The following TTLL1 variants were observed in gnomAD, a reference collection of about 807,000 sequenced individuals.
TTLL1 encodes polyglutamylase complex subunit TTLL1.
TTLL1 carries 33 observed loss-of-function variants against 47.8 expected under a neutral mutation model. The ratio of observed to expected loss-of-function variants is 0.69; its 90% CI spans 0.52 to 0.92. The LOEUF (loss-of-function observed/expected upper bound fraction) is 0.92. TTLL1 is among the 40% of genes least tolerant of loss of function. The pLI, the probability that TTLL1 is intolerant of heterozygous loss-of-function variation, is 0.00. For synonymous variants in TTLL1, 225 were observed against 214.1 expected (o/e 1.05, Z -0.45); for missense variants, 488 against 547.5 (o/e 0.89, Z 1.08).
chr22:43,056,462 CTTTTTTTTT>C (rs1052016247), intron 8 of TTLL1, among the ~76,000 whole-genome samples: 1 of 103,706 alleles, frequency 9.6e-6, no homozygotes, highest in Non-Finnish European at 2.0e-5. Flanking sequence ...TTCTTCTTGT[CTTTTTTTTT>C]TTTTTTTTTT....
At chr22:43,071,365 T>A (rs1233759149) in intron 3 of TTLL1, among the ~76,000 whole-genome samples, 2 of 152,206 alleles carry the variant, frequency 1.3e-5, no homozygotes, top group African/African-American at 4.8e-5. Flanking sequence ...CCGGGCGCAG[T>A]GGCTCACGTC....
rs367981899 is a variant in TTLL1, at chr22:43,076,473, C to T, written c.-4-883G>A. Among the ~76,000 whole-genome samples, 15 of 146,834 alleles carry T rather than the reference C, an allele frequency of 1.0e-4. No homozygotes were observed. In the South Asian group the frequency reaches 2.4e-3, roughly 24 times the overall value. ...TCCATCGCAAAAAATAAAAATAGGC[C>T]GGGCGCGGTGGCTCACGCCTGTAAT... On this transcript the variant is annotated intron_variant, in intron 2 of 10. Transcript: ENST00000266254.
chr22:43,088,597 C>A (rs936148242), intron 1 of TTLL1, among the ~76,000 whole-genome samples: 1 of 151,756 alleles, frequency 6.6e-6, no homozygotes. Flanking sequence ...CCCGCCTCGG[C>A]CTCCCAAAGT....
At chr22:43,085,837 C>T (rs1358729188) in intron 1 of TTLL1, among the ~76,000 whole-genome samples, 1 of 152,214 alleles carries the variant, frequency 6.6e-6, no homozygotes, top group Non-Finnish European at 1.5e-5. Context: ...TGTTATTTCA[C>T]ATGTGCCTCC....
At chr22:43,050,020 C>A (rs1176934389) in intron 9 of TTLL1, among the ~76,000 whole-genome samples, 1 of 152,114 alleles carries the variant, frequency 6.6e-6, no homozygotes, top group Non-Finnish European at 1.5e-5. Flanking sequence ...TTGCTTGAAC[C>A]CGGGAGGCGG....
At chr22:43,076,945 C>CA (rs1275774077) in intron 2 of TTLL1, among the ~76,000 whole-genome samples, 2 of 151,360 alleles carry the variant, frequency 1.3e-5, no homozygotes, top group Admixed American at 6.6e-5. Context: ...ACTAAAAATA[C>CA]AAAAAATTAG....
intron 2 of TTLL1, among the ~76,000 whole-genome samples, chr22:43,077,055 C>T (rs34180097): frequency 3.3e-5 from 5 of 151,598 alleles, no homozygotes; most frequent in South Asian, 2.1e-4. Flanking sequence ...GAGCGGAGAT[C>T]GCACCACTGC....
intron 1 of TTLL1, among the ~76,000 whole-genome samples, chr22:43,085,463 T>A (rs1240212494): frequency 6.6e-6 from 1 of 152,214 alleles, no homozygotes; most frequent in African/African-American, 2.4e-5. Context: ...AAGGTGGAGA[T>A]AAACGAATCA....
At chr22:43,051,136 A>C (rs1926588091) in intron 9 of TTLL1, among the ~76,000 whole-genome samples, 1 of 152,190 alleles carries the variant, frequency 6.6e-6, no homozygotes, top group Non-Finnish European at 1.5e-5. Flanking sequence ...ATAGAGCCGG[A>C]GTTCTTTTGT....
chr22:43,063,337 G>A (rs560275097), intron 7 of TTLL1, among the ~76,000 whole-genome samples: 9 of 152,184 alleles, frequency 5.9e-5, no homozygotes, highest in African/African-American at 2.2e-4. Flanking sequence ...AGGCCAGCCC[G>A]CCTGATGCCT....
intron 8 of TTLL1, 133 bp from the exon 9 acceptor site, chr22:43,052,020 C>T (rs1486793053): frequency 4.0e-5 from 30 of 755,970 alleles, no homozygotes; most frequent in South Asian, 1.1e-4. Context: ...CCACCACAAA[C>T]GCTTCCTTCC....
chr22:43,051,287 G>A (rs141362894), intron 9 of TTLL1, among the ~76,000 whole-genome samples: 1 of 152,356 alleles, frequency 6.6e-6, no homozygotes, highest in African/African-American at 2.4e-5. Flanking sequence ...TCAGGAGGCA[G>A]TGCTAAACAG....
At chr22:43,079,756 C>G (rs769976990) in intron 2 of TTLL1, 146 bp downstream of exon 2, 2 of 152,274 alleles carry the variant, frequency 1.3e-5, no homozygotes, top group African/African-American at 4.8e-5. Flanking sequence ...CCGAGGCAGA[C>G]GGGCCAAACA....
chr22:43,079,127 A>G (rs1172728905), intron 2 of TTLL1, among the ~76,000 whole-genome samples: 3 of 59,848 alleles, frequency 5.0e-5, no homozygotes, highest in East Asian at 5.4e-4. Flanking sequence ...AGACACGGGG[A>G]CCATGGGAGC....
At chr22:43,041,422 T>C (rs988937403) in intron 10 of TTLL1, 1 of 152,144 alleles carries the variant, frequency 6.6e-6, no homozygotes, top group Non-Finnish European at 1.5e-5. Flanking sequence ...GCAGGTTGAA[T>C]GTAGTATGAG....
intron 5 of TTLL1, 126 bp downstream of exon 5, chr22:43,068,284 T>C: frequency 1.2e-6 from 1 of 800,226 alleles, no homozygotes; most frequent in Non-Finnish European, 1.8e-6. Context: ...GCCACTGTAA[T>C]CCTGCCTGGG....
In TTLL1 at chr22:43,039,763, G is replaced by GTCCA. The variant is rs1373038791; in HGVS notation, c.*9_*12dup. ...AGGTGGAGTGAGTAGTTTTGATAAG[G>GTCCA]TCCAGGTGGGACTCACTTCCAGGTG... On this transcript the variant is annotated 3_prime_UTR_variant, in exon 11 of 11. Transcript: ENST00000266254. The GTCCA allele has an allele frequency of 3.7e-6, 6 of 1,604,724 alleles. No homozygotes were observed. Among genetic ancestry groups the GTCCA allele is most frequent in the Non-Finnish European group, 4.3e-6 (5 of 1,174,202 alleles).
rs145037090 is a variant in TTLL1, at chr22:43,065,302, A to T, written c.504-978T>A. Among the ~76,000 whole-genome samples, 458 of 151,886 alleles carry T rather than the reference A, an allele frequency of 3.0e-3. 1 individual carries two copies. The highest frequency in any genetic ancestry group is 0.011 in the African/African-American group (445 of 41,436). ...TGCCAATTTTTATTTATATATATAT[A>T]TTTTTGAGACACAGTCTTCCTCTGT... On this transcript the variant is annotated intron_variant, in intron 5 of 10. Coordinates refer to ENST00000266254, the MANE Select transcript of TTLL1 (RefSeq NM_012263.5).
At chr22:43,059,983 C>T (rs1927293223) in intron 7 of TTLL1, among the ~76,000 whole-genome samples, 2 of 152,162 alleles carry the variant, frequency 1.3e-5, no homozygotes, top group South Asian at 4.1e-4. Flanking sequence ...AGCCACTGTG[C>T]CCGGCCACCT....
Sources: allele counts gnomAD v4.1 joint callset (sites outside exome capture counted in the v4.1 genomes callset), GRCh38; gene constraint gnomAD v4.1.1; transcripts MANE v1.5; gene names NCBI Gene and HGNC (gene_info 2026-07-23, HGNC 2026-07-21).